The following MCPH1 variants were observed in gnomAD, a reference collection of about 807,000 sequenced individuals.
MCPH1 encodes microcephalin 1, also known as microcephalin.
A neutral mutation model predicts 84.5 loss-of-function variants in MCPH1; 104 were observed. The observed-to-expected ratio is 1.23, with a 90% confidence interval of 1.05 to 1.45. The LOEUF is 1.45. MCPH1 is among the 40% of genes most tolerant of loss of function. The pLI is 0.00. For missense variants in MCPH1, 1,498 were observed against 1,005.7 expected, an observed-to-expected ratio of 1.49 and a Z score of -6.62; for synonymous variants, 514 against 366.8, an observed-to-expected ratio of 1.40 and a Z score of -4.58.
intron 12 of MCPH1, among the ~76,000 whole-genome samples, chr8:6,606,923 G>A (rs1829825698): frequency 6.6e-6 from 1 of 152,190 alleles, no homozygotes; most frequent in Non-Finnish European, 1.5e-5. Context: ...TCCACTATGA[G>A]TGTGAGGCCT....
chr8:6,471,656 A>T (rs1271531668), intron 9 of MCPH1, among the ~76,000 whole-genome samples: 1 of 152,178 alleles, frequency 6.6e-6, no homozygotes, highest in Non-Finnish European at 1.5e-5. Flanking sequence ...GTTCCACTTG[A>T]TCTTGGGTTA....
chr8:6,583,381 A>G (rs1827718577), intron 12 of MCPH1, among the ~76,000 whole-genome samples: 2 of 152,204 alleles, frequency 1.3e-5, no homozygotes, highest in Admixed American at 1.3e-4. Context: ...AACACACACA[A>G]ATATTTACTG....
intron 8 of MCPH1, among the ~76,000 whole-genome samples, chr8:6,449,614 C>T (rs1563227574): frequency 2.0e-5 from 3 of 150,624 alleles, no homozygotes; most frequent in Admixed American, 6.6e-5. Flanking sequence ...TCCTGGACAA[C>T]GAGAGTGAAA....
chr8:6,623,320 C>G (rs935137633), intron 13 of MCPH1, among the ~76,000 whole-genome samples: 3 of 152,012 alleles, frequency 2.0e-5, no homozygotes, highest in African/African-American at 2.4e-5. Flanking sequence ...GATCCTTACC[C>G]GACTTTAGAG....
intron 12 of MCPH1, among the ~76,000 whole-genome samples, chr8:6,533,765 A>G (rs1819982340): frequency 6.6e-6 from 1 of 152,122 alleles, no homozygotes; most frequent in Non-Finnish European, 1.5e-5. Context: ...TTAAAAACTT[A>G]GAATTCTTTA....
At chr8:6,497,675 C>G (rs1418604383) in intron 11 of MCPH1, among the ~76,000 whole-genome samples, 1 of 152,192 alleles carries the variant, frequency 6.6e-6, no homozygotes, top group African/African-American at 2.4e-5. Context: ...ACATGTAGCA[C>G]TCCAGTGGGA....
chr8:6,438,565 C>A (rs894897), intron 5 of MCPH1, among the ~76,000 whole-genome samples: 145,936 of 152,268 alleles, frequency 0.96, 70,085 homozygotes, highest in East Asian at 1. Flanking sequence ...AGTGATGGTT[C>A]ATGGGGGCAG....
At chr8:6,587,651 A>G (rs987128851) in intron 12 of MCPH1, among the ~76,000 whole-genome samples, 5 of 152,180 alleles carry the variant, frequency 3.3e-5, no homozygotes, top group Non-Finnish European at 5.9e-5. Flanking sequence ...TGGATGGCTT[A>G]TTGTGGTCTC....
intron 12 of MCPH1, chr8:6,615,943 ATTTAT>A (rs1317972363): frequency 6.6e-6 from 1 of 152,168 alleles, no homozygotes; most frequent in Admixed American, 6.5e-5. Context: ...ATTCTGAAAT[ATTTAT>A]TTAATACCTC....
At chr8:6,626,377 C>G (rs1006067763) in intron 13 of MCPH1, 2 of 984,220 alleles carry the variant, frequency 2.0e-6, no homozygotes, top group Non-Finnish European at 2.4e-6. Flanking sequence ...TCCCTGGAGT[C>G]TTTTTTCCCT....
At chr8:6,521,839 A>G (rs1185212872) in intron 12 of MCPH1, among the ~76,000 whole-genome samples, 1 of 152,206 alleles carries the variant, frequency 6.6e-6, no homozygotes, top group Non-Finnish European at 1.5e-5. Context: ...TAAACTATTT[A>G]TATTTTAATA....
rs55804146 is a variant in MCPH1, at chr8:6,562,552, CTTTTTTTT to C, written c.2215-58890_2215-58883del. On this transcript the variant is annotated intron_variant, in intron 12 of 13. Coordinates refer to ENST00000344683, the MANE Select transcript of MCPH1 (RefSeq NM_024596.5). ...AGCTCTAATCCTCTTCATCCTCCTT[CTTTTTTTT>C]TTTTTTTTTTTGGTTGTTAAAACCT... The C allele has an allele frequency of 1.0e-3, 76 of 73,854 alleles. 13 individuals carry two copies. The Middle Eastern group carries it at 0.019, about 19-fold the overall frequency. The allele number at this position is 73,854 out of a possible 1,614,324, so 4.6% of individuals were successfully genotyped here. A position where few individuals can be genotyped will look rare whatever the true frequency, so the allele number is the denominator to read the frequency against.
intron 12 of MCPH1, among the ~76,000 whole-genome samples, chr8:6,556,163 A>G (rs1824575960): frequency 6.6e-6 from 1 of 152,128 alleles, no homozygotes; most frequent in African/African-American, 2.4e-5. Flanking sequence ...TTTATTTTTA[A>G]TAAAAACAAA....
intron 12 of MCPH1, among the ~76,000 whole-genome samples, chr8:6,602,933 G>A (rs1215175654): frequency 1.3e-5 from 2 of 152,002 alleles, no homozygotes; most frequent in African/African-American, 4.8e-5. Context: ...ATTTGTGTGT[G>A]CATGTGTGTC....
chr8:6,635,937 C>G (rs1213087298), intron 13 of MCPH1, among the ~76,000 whole-genome samples: 1 of 152,218 alleles, frequency 6.6e-6, no homozygotes, highest in Non-Finnish European at 1.5e-5. Context: ...GCTTAGCTCC[C>G]CTGAGCACGT....
At chr8:6,425,527 A>T (rs148049597) in intron 3 of MCPH1, among the ~76,000 whole-genome samples, 4 of 152,308 alleles carry the variant, frequency 2.6e-5, no homozygotes, top group Non-Finnish European at 5.9e-5. Flanking sequence ...AGTTACACCC[A>T]GGTAGATGAA....
At chr8:6,447,838 C>T (rs1436991690) in intron 8 of MCPH1, among the ~76,000 whole-genome samples, 17 of 152,268 alleles carry the variant, frequency 1.1e-4, no homozygotes, top group Admixed American at 6.5e-4. Flanking sequence ...CGTGAGCTAC[C>T]GCGCCCGGCC....
intron 12 of MCPH1, among the ~76,000 whole-genome samples, chr8:6,577,149 C>G (rs117016712): frequency 5.3e-5 from 8 of 152,188 alleles, no homozygotes; most frequent in African/African-American, 1.7e-4. Flanking sequence ...CTCTCAGCCC[C>G]GGGCAAAGGG....
intron 11 of MCPH1, among the ~76,000 whole-genome samples, chr8:6,486,716 T>C (rs1373298999): frequency 6.6e-6 from 1 of 152,232 alleles, no homozygotes; most frequent in African/African-American, 2.4e-5. Context: ...GGCAGATACA[T>C]GGAAATAGAA....
Sources: gnomAD v4.1 joint callset for allele counts (sites outside exome capture counted in the v4.1 genomes callset) on GRCh38, gnomAD v4.1.1 for gene constraint, MANE v1.5 for transcripts, NCBI Gene and HGNC (gene_info 2026-07-23, HGNC 2026-07-21) for gene names.